PTPRM: variants seen among roughly 807,000 people sequenced by gnomAD.
The protein encoded by PTPRM is receptor-type tyrosine-protein phosphatase mu.
A neutral mutation model predicts 186.7 loss-of-function variants in PTPRM; 47 were observed. The ratio of observed to expected loss-of-function variants is 0.25; its 90% CI spans 0.20 to 0.32. The LOEUF is 0.32. Among genes scored for constraint, PTPRM ranks in the 10% least tolerant of loss-of-function variants. The probability of loss-of-function intolerance (pLI) is 1.00; values close to 1 mark genes in which losing one functional copy is unlikely to be tolerated. For missense variants in PTPRM, 1,494 were observed against 1,865.0 expected, an observed-to-expected ratio of 0.80 and a Z score of 3.66; for synonymous variants, 668 against 674.9, an observed-to-expected ratio of 0.99 and a Z score of 0.16.
At chr18:7,801,762 C>T (rs754393079) in intron 2 of PTPRM, among the ~76,000 whole-genome samples, 3 of 152,070 alleles carry the variant, frequency 2.0e-5, no homozygotes, top group Non-Finnish European at 4.4e-5. Context: ...TGTCACTAGG[C>T]GATAGGAATT....
rs147179622 is a variant in PTPRM at position 7,904,801 on chromosome 18, T to C, written c.469-1704T>C. On this transcript the variant is annotated intron_variant, in intron 3 of 32. Coordinates refer to ENST00000580170, the MANE Select transcript of PTPRM (RefSeq NM_001105244.2). The stretch of plus-strand genomic sequence containing the variant: ...CTCCAAGAGTGCAATGGTTAGGTTG[T>C]ATTTTAAGACTTACCATCATGAGTC... Among the ~76,000 whole-genome samples, 396 of 152,308 alleles carry C rather than the reference T, an allele frequency of 2.6e-3. 3 individuals are homozygous for C. The highest frequency in any genetic ancestry group is 9.0e-3 in the African/African-American group (376 of 41,572).
intron 1 of PTPRM, among the ~76,000 whole-genome samples, chr18:7,570,854 A>T (rs1483000979): frequency 6.6e-6 from 1 of 152,182 alleles, no homozygotes; most frequent in Admixed American, 6.5e-5. Flanking sequence ...CAGAAATAGA[A>T]TGCTAAACTT....
intron 14 of PTPRM, among the ~76,000 whole-genome samples, chr18:8,170,126 T>G (rs937300802): frequency 6.6e-6 from 1 of 152,158 alleles, no homozygotes. Context: ...TAATGTGACT[T>G]TTTTGATGAC....
chr18:7,716,124 C>G (rs1044145592), intron 1 of PTPRM, among the ~76,000 whole-genome samples: 3 of 152,120 alleles, frequency 2.0e-5, no homozygotes, highest in Non-Finnish European at 4.4e-5. Flanking sequence ...TACAAGTCTA[C>G]AGTAACCAAA....
chr18:8,235,449 G>T (rs1295959622), intron 14 of PTPRM, among the ~76,000 whole-genome samples: 3 of 124,856 alleles, frequency 2.4e-5, no homozygotes, highest in African/African-American at 6.3e-5. Flanking sequence ...TGAGTAATCT[G>T]TGTCTTCTTT....
intron 1 of PTPRM, among the ~76,000 whole-genome samples, chr18:7,630,958 C>A (rs2038176701): frequency 6.6e-6 from 1 of 152,040 alleles, no homozygotes; most frequent in Non-Finnish European, 1.5e-5. Flanking sequence ...GGCTTATGTG[C>A]CATGTGAAAG....
intron 1 of PTPRM, chr18:7,741,232 G>C (rs2040878355): frequency 6.6e-6 from 1 of 152,214 alleles, no homozygotes. Context: ...TGGCCATACA[G>C]TAGGTGTTCC....
intron 1 of PTPRM, among the ~76,000 whole-genome samples, chr18:7,756,978 C>T (rs1245325296): frequency 6.6e-6 from 1 of 152,204 alleles, no homozygotes; most frequent in African/African-American, 2.4e-5. Context: ...GCCTGATCTT[C>T]AGCCATGTTT....
intron 14 of PTPRM, among the ~76,000 whole-genome samples, chr18:8,176,730 T>C (rs1198360100): frequency 6.6e-6 from 1 of 152,144 alleles, no homozygotes; most frequent in Non-Finnish European, 1.5e-5. Context: ...AGGATTTTGC[T>C]CTGATTAGCA....
Position 8,330,695 on chromosome 18 carries a change from C to T in PTPRM, c.2956+11481C>T, listed in dbSNP as rs1170813228. ...TGTCCTTGATTGCCGTCTCTCTGTTCCCCTCTTTACAGCATGCGCAAGTAC... is the reference window on the plus strand; with the variant it reads ...TGTCCTTGATTGCCGTCTCTCTGTTTCCCTCTTTACAGCATGCGCAAGTAC... On this transcript the variant is annotated intron_variant, in intron 22 of 32. Transcript: ENST00000580170. Among the ~76,000 whole-genome samples, 4 of 150,888 alleles carry T rather than the reference C, an allele frequency of 2.7e-5. No individual in the cohort carries two copies. The South Asian group carries it at 6.3e-4, about 24-fold the overall frequency.
intron 32 of PTPRM, among the ~76,000 whole-genome samples, chr18:8,394,992 C>T (rs952494310): frequency 6.6e-6 from 1 of 152,032 alleles, no homozygotes; most frequent in Non-Finnish European, 1.5e-5. Flanking sequence ...GCTTAATCGC[C>T]TAATATTTAT....
intron 19 of PTPRM, among the ~76,000 whole-genome samples, chr18:8,289,637 C>CACAT: frequency 7.2e-6 from 1 of 138,140 alleles, no homozygotes; most frequent in Non-Finnish European, 1.6e-5. Context: ...TATATACACA[C>CACAT]ATATATATAT....
At chr18:8,166,003 G>A (rs935802231) in intron 14 of PTPRM, among the ~76,000 whole-genome samples, 1 of 152,128 alleles carries the variant, frequency 6.6e-6, no homozygotes, top group Non-Finnish European at 1.5e-5. Context: ...TCCATTCAGG[G>A]TATTCTTGTG....
intron 1 of PTPRM, among the ~76,000 whole-genome samples, chr18:7,712,818 G>GA (rs534449040): frequency 5.9e-4 from 90 of 152,024 alleles, no homozygotes; most frequent in African/African-American, 2.1e-3. Flanking sequence ...GAAGATTAGA[G>GA]AAAAAAGAAT....
chr18:8,376,722 C>G (rs2095697801), intron 26 of PTPRM, 125 bp downstream of exon 26: 2 of 1,198,232 alleles, frequency 1.7e-6, no homozygotes, highest in Non-Finnish European at 2.2e-6. Flanking sequence ...ACCTGGCATT[C>G]CCTGTTCCTT....
intron 14 of PTPRM, among the ~76,000 whole-genome samples, chr18:8,227,422 G>C (rs534510857): frequency 3.3e-5 from 5 of 152,286 alleles, no homozygotes; most frequent in African/African-American, 1.2e-4. Context: ...ACTTGGAATA[G>C]AAAGGTTTTT....
At chr18:7,897,708 C>G (rs1355927527) in intron 3 of PTPRM, among the ~76,000 whole-genome samples, 2 of 152,144 alleles carry the variant, frequency 1.3e-5, no homozygotes, top group African/African-American at 2.4e-5. Flanking sequence ...ATAAGTACTT[C>G]TATTGTTTAC....
chr18:7,733,780 C>T (rs959599629), intron 1 of PTPRM, among the ~76,000 whole-genome samples: 5 of 152,184 alleles, frequency 3.3e-5, no homozygotes, highest in African/African-American at 1.2e-4. Flanking sequence ...CCAGGCTCCT[C>T]CCCTGCATAA....
chr18:8,164,389 T>G (rs943992750), intron 14 of PTPRM, among the ~76,000 whole-genome samples: 8 of 152,220 alleles, frequency 5.3e-5, no homozygotes, highest in Admixed American at 6.5e-5. Flanking sequence ...CAAACAAATA[T>G]TTGTATACCT....
Sources: allele counts gnomAD v4.1 joint callset (sites outside exome capture counted in the v4.1 genomes callset), GRCh38; gene constraint gnomAD v4.1.1; transcripts MANE v1.5; gene names NCBI Gene and HGNC (gene_info 2026-07-23, HGNC 2026-07-21).